Variants in EYS observed in about 807,000 individuals in gnomAD.
EYS encodes the protein protein eyes shut homolog.
Under a neutral mutation model 282.1 loss-of-function variants are expected in EYS, and 250 were observed. The ratio of observed to expected loss-of-function variants is 0.89; its 90% CI spans 0.80 to 0.98. The LOEUF is 0.98. EYS is among the 50% of genes least tolerant of loss of function. The probability of loss-of-function intolerance (pLI) is 0.00; values close to 1 mark genes in which losing one functional copy is unlikely to be tolerated. For missense variants in EYS, 4,016 were observed against 3,709.0 expected (o/e 1.08, Z -2.15); for synonymous variants, 1,355 against 1,282.9 (o/e 1.06, Z -1.20).
intron 15 of EYS, among the ~76,000 whole-genome samples, chr6:64,915,466 A>G (rs572334478): frequency 5.2e-4 from 79 of 152,262 alleles, no homozygotes; most frequent in African/African-American, 1.8e-3. Context: ...TAGGAAGTTG[A>G]GGATCAGAGA....
chr6:64,664,476 A>G (rs866891386), intron 22 of EYS, among the ~76,000 whole-genome samples: 1 of 152,116 alleles, frequency 6.6e-6, no homozygotes, highest in Non-Finnish European at 1.5e-5. Context: ...GTCTCTCAAT[A>G]TGATATGTCT....
intron 41 of EYS, among the ~76,000 whole-genome samples, chr6:63,730,734 G>C (rs1160116629): frequency 1.3e-5 from 2 of 152,108 alleles, no homozygotes; most frequent in Non-Finnish European, 2.9e-5. Context: ...AAATTATTTT[G>C]TTATCGTCTG....
At chr6:64,008,932 G>C (rs1768475533) in intron 33 of EYS, among the ~76,000 whole-genome samples, 2 of 152,098 alleles carry the variant, frequency 1.3e-5, no homozygotes, top group Non-Finnish European at 1.5e-5. Context: ...AGAATCTGAC[G>C]ACTATGTGTT....
intron 22 of EYS, among the ~76,000 whole-genome samples, chr6:64,742,208 G>A (rs1280484155): frequency 1.3e-5 from 2 of 152,094 alleles, no homozygotes; most frequent in African/African-American, 4.8e-5. Context: ...AGAGAGATTT[G>A]AGGAGAGGAG....
At chr6:65,010,873 G>A (rs374000114) in intron 13 of EYS, among the ~76,000 whole-genome samples, 1 of 152,150 alleles carries the variant, frequency 6.6e-6, no homozygotes, top group Non-Finnish European at 1.5e-5. Context: ...GATTATTATT[G>A]GCTGTATAGA....
At chr6:63,823,138 A>G (rs796253171) in intron 36 of EYS, among the ~76,000 whole-genome samples, 68 of 152,242 alleles carry the variant, frequency 4.5e-4, no homozygotes, top group African/African-American at 1.5e-3. Context: ...TAGTAATAAT[A>G]TATATTTTGG....
intron 22 of EYS, among the ~76,000 whole-genome samples, chr6:64,810,434 T>A (rs926060857): frequency 6.6e-6 from 1 of 152,048 alleles, no homozygotes; most frequent in Non-Finnish European, 1.5e-5. Flanking sequence ...GCACTTACTA[T>A]ATCATCCTCA....
rs151015425 is a variant in EYS at position 63,739,520 on chromosome 6, G to A, written c.8072-12840C>T. On this transcript the variant is annotated intron_variant, in intron 41 of 42. Coordinates refer to ENST00000503581, the MANE Select transcript of EYS (RefSeq NM_001142800.2). ...GACAAGGCAGCTCTCTTCAGTCCTC[G>A]TGAGGGACTTACCTTTGAACTCTCT... is the stretch of plus-strand genomic sequence containing the variant. Among the ~76,000 whole-genome samples, 10 of 152,216 alleles carry A rather than the reference G, an allele frequency of 6.6e-5. No homozygotes were observed. The East Asian group carries it at 1.5e-3, about 24-fold the overall frequency.
intron 26 of EYS, among the ~76,000 whole-genome samples, chr6:64,554,050 A>T (rs1334549073): frequency 6.6e-6 from 1 of 152,096 alleles, no homozygotes; most frequent in Non-Finnish European, 1.5e-5. Flanking sequence ...ATCCAAAGGG[A>T]ATCACACACA....
At chr6:64,376,908 G>C (rs1183474764) in intron 29 of EYS, among the ~76,000 whole-genome samples, 2 of 152,116 alleles carry the variant, frequency 1.3e-5, no homozygotes, top group Non-Finnish European at 2.9e-5. Flanking sequence ...AAACCTGGCT[G>C]ATATCCTTGA....
chr6:65,106,445 C>T (rs960235782), intron 12 of EYS, among the ~76,000 whole-genome samples: 2 of 151,900 alleles, frequency 1.3e-5, no homozygotes, highest in Non-Finnish European at 2.9e-5. Flanking sequence ...TTATATTTGC[C>T]TCTCAAAATA....
chr6:64,081,831 A>C (rs1360231345), intron 32 of EYS, 25 bp downstream of exon 32: 1 of 1,441,628 alleles, frequency 6.9e-7, no homozygotes, highest in Non-Finnish European at 9.3e-7. Context: ...CATGACATAC[A>C]AGAAGTCAAA....
intron 5 of EYS, among the ~76,000 whole-genome samples, chr6:65,406,927 T>G (rs11970275): frequency 0.058 from 8,865 of 152,144 alleles, 382 homozygotes; most frequent in African/African-American, 0.12. Flanking sequence ...TCCAAAAATA[T>G]TTTTGGCTAT....
intron 33 of EYS, among the ~76,000 whole-genome samples, chr6:64,029,241 C>T (rs1769695535): frequency 6.6e-6 from 1 of 152,116 alleles, no homozygotes; most frequent in Non-Finnish European, 1.5e-5. Flanking sequence ...TCTTTGAGTC[C>T]TTACTCAGAC....
At chr6:65,288,247 G>A (rs1250867046) in intron 12 of EYS, among the ~76,000 whole-genome samples, 1 of 150,816 alleles carries the variant, frequency 6.6e-6, no homozygotes, top group African/African-American at 2.4e-5. Flanking sequence ...AACATATTAT[G>A]TCTGAGGGAA....
chr6:63,947,603 C>T (rs1057512459), intron 35 of EYS, among the ~76,000 whole-genome samples: 8 of 151,952 alleles, frequency 5.3e-5, no homozygotes, highest in Non-Finnish European at 7.4e-5. Context: ...CTGAGATTTG[C>T]TAGATGTTAT....
At chr6:64,997,819 T>A (rs1403643116) in intron 13 of EYS, 116 bp from the exon 14 acceptor site, 3 of 835,006 alleles carry the variant, frequency 3.6e-6, no homozygotes, top group Admixed American at 6.3e-5. Flanking sequence ...CCAAATAAAG[T>A]AAGAATTATT....
intron 1 of EYS, among the ~76,000 whole-genome samples, chr6:65,660,951 T>C (rs1026005218): frequency 1.3e-5 from 2 of 151,908 alleles, no homozygotes; most frequent in Admixed American, 6.6e-5. Context: ...ATGATAATGA[T>C]GATAATAAAA....
intron 26 of EYS, among the ~76,000 whole-genome samples, chr6:64,575,308 G>GTTA (rs35137421): frequency 0.12 from 18,955 of 152,034 alleles, 1,274 homozygotes; most frequent in East Asian, 0.27. Flanking sequence ...TAAAGAGCAT[G>GTTA]TTAAAAAAAG....
Sources: gnomAD v4.1 joint callset for allele counts (sites outside exome capture counted in the v4.1 genomes callset) on GRCh38, gnomAD v4.1.1 for gene constraint, MANE v1.5 for transcripts, NCBI Gene and HGNC (gene_info 2026-07-23, HGNC 2026-07-21) for gene names.